The following CARD14 variants were observed in gnomAD, a reference collection of about 807,000 sequenced individuals.
CARD14 encodes the protein caspase recruitment domain family member 14, also known as caspase recruitment domain-containing protein 14.
CARD14 carries 107 observed loss-of-function variants against 111.5 expected under a neutral mutation model. The ratio of observed to expected loss-of-function variants is 0.96; its 90% confidence interval spans 0.82 to 1.13. The LOEUF (loss-of-function observed/expected upper bound fraction) is 1.13. CARD14 is among the 50% of genes most tolerant of loss of function. CARD14 has a pLI of 0.00. For missense variants in CARD14, 1,322 were observed against 1,362.3 expected (o/e 0.97, Z 0.47); for synonymous variants, 617 against 579.6 (o/e 1.06, Z -0.93).
Position 80,195,661 on chromosome 17 carries a change from G to C in CARD14, c.1594+9G>C, listed in dbSNP as rs779044291. ...GCTCCTAGACACGGCAGGTGAGCAC[G>C]CCCAACCCTGAACCTCCACAGCAGT... On this transcript the variant is annotated intron_variant, in intron 14 of 23. Transcript: ENST00000648509. The surrounding 1 kb of genome is among the most constrained non-coding windows in gnomAD (Gnocchi z 4.7). 1.7e-5 allele frequency: 27 copies of C among 1,607,346 alleles called. No homozygotes were observed. The highest frequency in any genetic ancestry group is 2.2e-5 in the Non-Finnish European group (26 of 1,176,870).
At chr17:80,197,998 G>A (rs1484415247) in intron 14 of CARD14, 101 bp from the exon 15 acceptor site, 1 of 1,212,628 alleles carries the variant, frequency 8.2e-7, no homozygotes, top group Non-Finnish European at 1.2e-6. Context: ...GCAGTGGGGT[G>A]ACCAAGATCT....
chr17:80,184,079 G>C lies in CARD14; in HGVS notation c.516G>C (p.Gln172His), dbSNP rs755866316. ...LAETRAEGLH[Q>H]LEADHSRMKR... ...AGACCCGTGCCGAGGGCCTGCACCAGCTGGAGGCTGACCACAGCCGCATGA... is the reference window on the plus strand; with the variant it reads ...AGACCCGTGCCGAGGGCCTGCACCACCTGGAGGCTGACCACAGCCGCATGA... Residue 172 changes from glutamine (Q) to histidine (H), a missense_variant, in exon 7 of 24, where the codon CAG becomes CAC. Transcript: ENST00000648509. 9.5e-6 allele frequency: 15 copies of C among 1,584,956 alleles called. No homozygotes were observed. The South Asian group carries it at 1.7e-4, about 18-fold the overall frequency.
chr17:80,207,123 C>T (rs374562482), intron 23 of CARD14, 38 bp downstream of exon 23: 347 of 1,492,476 alleles, frequency 2.3e-4, no homozygotes, highest in Non-Finnish European at 2.5e-4. Context: ...GGCTTCGAAG[C>T]GGCTCCTGGG....
At chr17:80,170,822 C>T (rs2039879970) in intron 1 of CARD14, among the ~76,000 whole-genome samples, 1 of 110,116 alleles carries the variant, frequency 9.1e-6, no homozygotes, top group Non-Finnish European at 1.9e-5. Flanking sequence ...CCCCTCCCCT[C>T]CTCTCCCCTC....
chr17:80,208,220 C>T lies in CARD14; in HGVS notation c.2890C>T (p.Pro964Ser). The part of the protein sequence containing the change: ...RQEEGDLDRA[P>S]CLYSSLAPDG... Reference sequence around the variant, plus strand: ...GGAGGAGGGAGACCTGGACCGGGCGCCCTGTCTATACAGCAGCCTGGCTCC... The same window carrying T: ...GGAGGAGGGAGACCTGGACCGGGCGTCCTGTCTATACAGCAGCCTGGCTCC... Residue 964 changes from proline (P) to serine (S), a missense_variant, in exon 24 of 24, where the codon CCC (proline) becomes TCC (serine). Coordinates refer to ENST00000648509, the MANE Select transcript of CARD14 (RefSeq NM_001366385.1). The T allele has an allele frequency of 6.4e-7, 1 of 1,563,970 alleles. No homozygotes were observed. Among genetic ancestry groups the T allele is most frequent in the Non-Finnish European group, 8.7e-7 (1 of 1,154,106 alleles).
chr17:80,198,306 G>C lies in CARD14; in HGVS notation c.1659-93G>C, dbSNP rs183765229. ...GCCATGGAGGGGGAGGAGAATTCCA[G>C]AACACTGGGGCCAGAGGGAAGCAAT... On this transcript the variant is annotated intron_variant, in intron 15 of 23. Coordinates refer to ENST00000648509, the MANE Select transcript of CARD14 (RefSeq NM_001366385.1). This position sits in a 1 kb window ranked among gnomAD's most constrained non-coding sequence, Gnocchi z 7.5. The C allele has an allele frequency of 7.4e-5, 116 of 1,567,294 alleles. No homozygotes were observed. The African/African-American group carries it at 1.2e-3, about 16-fold the overall frequency.
chr17:80,204,814 C>T (rs2041192334), intron 20 of CARD14: 3 of 508,332 alleles, frequency 5.9e-6, no homozygotes, highest in Admixed American at 3.6e-5. Context: ...AAAGCAGTCC[C>T]TGGAGAGCCA....
chr17:80,186,674 G>A (rs951408419), intron 7 of CARD14, among the ~76,000 whole-genome samples: 1 of 151,990 alleles, frequency 6.6e-6, no homozygotes, highest in Non-Finnish European at 1.5e-5. Context: ...TCAGCCTCCC[G>A]AGCAGCTGGG....
chr17:80,191,569 GA>G, intron 11 of CARD14, 97 bp downstream of exon 11: 1 of 1,489,406 alleles, frequency 6.7e-7, no homozygotes, highest in Non-Finnish European at 9.1e-7. Context: ...GAGGCACTGG[GA>G]GGACAGGCAG....
intron 23 of CARD14, 95 bp from the exon 24 acceptor site, chr17:80,208,043 A>G (rs2041438453): frequency 3.3e-6 from 3 of 916,288 alleles, no homozygotes; most frequent in Non-Finnish European, 4.8e-6. Context: ...ACCTGTGTTT[A>G]GGGGTGTTTG....
rs926927405 is a variant in CARD14, at chr17:80,198,308, A to C, written c.1659-91A>C. On this transcript the variant is annotated intron_variant, in intron 15 of 23. Coordinates refer to ENST00000648509, the MANE Select transcript of CARD14 (RefSeq NM_001366385.1). This position sits in a 1 kb window ranked among gnomAD's most constrained non-coding sequence, Gnocchi z 7.5. ...CATGGAGGGGGAGGAGAATTCCAGA[A>C]CACTGGGGCCAGAGGGAAGCAATGG... 1.3e-5 allele frequency: 21 copies of C among 1,567,216 alleles called. No homozygotes were observed. The highest frequency in any genetic ancestry group is 1.7e-5 in the Non-Finnish European group (20 of 1,152,980).
Position 80,174,746 on chromosome 17 carries a change from C to A in CARD14, c.-367+1518C>A, listed in dbSNP as rs372629827. Among the ~76,000 whole-genome samples the A allele has an allele frequency of 2.4e-4, 36 of 152,290 alleles. 1 individual carries two copies. The East Asian group carries it at 6.8e-3, about 29-fold the overall frequency. On this transcript the variant is annotated intron_variant, in intron 2 of 23. Coordinates refer to ENST00000648509, the MANE Select transcript of CARD14 (RefSeq NM_001366385.1). ...GCCTGGGTTCTCTCCTGGCTCAGTA[C>A]AGCCCCCTCCCCACTCCTGCTGAGG...
At chr17:80,172,080 G>A (rs532730450) in intron 1 of CARD14, among the ~76,000 whole-genome samples, 232 of 152,344 alleles carry the variant, frequency 1.5e-3, no homozygotes, top group African/African-American at 5.3e-3. Context: ...TTGGCAACTC[G>A]ATATAGTAAG....
At chr17:80,171,351 C>G (rs551157533) in intron 1 of CARD14, among the ~76,000 whole-genome samples, 55 of 150,312 alleles carry the variant, frequency 3.7e-4, no homozygotes, top group African/African-American at 1.3e-3. Flanking sequence ...CAGGGTCTTG[C>G]TCTGTCACCC....
At position 80,187,940 on chromosome 17, in the gene CARD14, G is replaced by A. The variant is rs2040400125; in HGVS notation, c.676-437G>A. ...CGTTCCCAGGCACGTCTACCCCTCCGACCTGACTTTCCTCTCTCTTACTTC... is the reference window on the plus strand; with the variant it reads ...CGTTCCCAGGCACGTCTACCCCTCCAACCTGACTTTCCTCTCTCTTACTTC... On this transcript the variant is annotated intron_variant, in intron 7 of 23. Coordinates refer to ENST00000648509, the MANE Select transcript of CARD14 (RefSeq NM_001366385.1). The A allele has an allele frequency of 1.2e-5, 12 of 985,998 alleles. No homozygotes were observed. In the Admixed American group the frequency reaches 1.8e-4, roughly 15 times the overall value. The allele number at this position is 985,998 out of a possible 1,614,324, so 61.1% of individuals were successfully genotyped here.
intron 16 of CARD14, chr17:80,200,674 T>C (rs2040925975): frequency 6.6e-6 from 1 of 152,208 alleles, no homozygotes; most frequent in Admixed American, 6.5e-5. Context: ...CACGTTACAT[T>C]GATTGTACAC....
Position 80,198,944 on chromosome 17 carries a change from T to TC in CARD14, c.1851+354dup. 7 of 1,139,348 alleles carry TC rather than the reference T, an allele frequency of 6.1e-6. No individual in the cohort carries two copies. The highest frequency in any genetic ancestry group is 7.6e-6 in the Non-Finnish European group (7 of 925,806). The allele number at this position is 1,139,348 out of a possible 1,614,324, so 70.6% of individuals were successfully genotyped here. On this transcript the variant is annotated intron_variant, in intron 16 of 23. Coordinates refer to ENST00000648509, the MANE Select transcript of CARD14 (RefSeq NM_001366385.1). This position sits in a 1 kb window ranked among gnomAD's most constrained non-coding sequence, Gnocchi z 7.5. ...TAACCACTGGGGCATTTCTTTTCTT[T>TC]CTTTTTTTTTGTTTGTTGTTTTGAA... is the stretch of plus-strand genomic sequence containing the variant.
Position 80,181,524 on chromosome 17 carries a change from G to T in CARD14, c.86G>T (p.Arg29Met). The T allele has an allele frequency of 6.3e-7, 1 of 1,588,836 alleles. No homozygotes were observed. The highest frequency in any genetic ancestry group is 8.6e-7 in the Non-Finnish European group (1 of 1,168,036). ...GAGATGATGGAGAGCCACCGCCACA[G>T]GATCGTACGCTGCATCTGCCCCAGC... Reference protein sequence around the residue: ...LWEMMESHRHRIVRCICPSRL... With the variant: ...LWEMMESHRHMIVRCICPSRL... Residue 29 changes from arginine (R) to methionine (M), a missense_variant, in exon 5 of 24, where the codon AGG (arginine) becomes ATG (methionine). Coordinates refer to ENST00000648509, the MANE Select transcript of CARD14 (RefSeq NM_001366385.1).
Position 80,198,116 on chromosome 17 carries a change from A to C in CARD14, c.1612A>C (p.Ser538Arg). Residue 538 changes from serine (S) to arginine (R), a missense_variant, in exon 15 of 24, where the codon AGC (serine) becomes CGC (arginine). By Grantham distance (110) the Ser-to-Arg change is moderately radical. Coordinates refer to ENST00000648509, the MANE Select transcript of CARD14 (RefSeq NM_001366385.1). This position sits in a 1 kb window ranked among gnomAD's most constrained non-coding sequence, Gnocchi z 7.5. ...LDTADLPQLE[S>R]SLQPVSPGRL... is the part of the protein sequence containing the mutation. ...CCTCCCAGACCTTCCGCAGCTGGAA[A>C]GCAGCCTGCAGCCAGTCTCCCCTGG... The C allele has an allele frequency of 6.2e-7, 1 of 1,613,650 alleles. No homozygotes were observed. Among genetic ancestry groups the C allele is most frequent in the Non-Finnish European group, 8.5e-7 (1 of 1,179,996 alleles).
Sources: allele counts gnomAD v4.1 joint callset (sites outside exome capture counted in the v4.1 genomes callset), GRCh38; gene constraint gnomAD v4.1.1; non-coding constraint Gnocchi (gnomAD v3.1); transcripts MANE v1.5; gene names NCBI Gene and HGNC (gene_info 2026-07-23, HGNC 2026-07-21).